The following GALNT13 variants were observed in gnomAD, a reference collection of about 807,000 sequenced individuals.
GALNT13 encodes polypeptide N-acetylgalactosaminyltransferase 13.
A neutral mutation model predicts 64.2 loss-of-function variants in GALNT13; 28 were observed. That is an observed-to-expected ratio of 0.44 (90% CI 0.32 to 0.60). GALNT13 has a LOEUF of 0.60. GALNT13 is among the 20% of genes least tolerant of loss of function. The pLI, the probability that GALNT13 is intolerant of heterozygous loss-of-function variation, is 0.05. For synonymous variants in GALNT13, 214 were observed against 224.6 expected (o/e 0.95, Z 0.42); for missense variants, 577 against 669.8 (o/e 0.86, Z 1.53).
At chr2:153,844,580 G>A in the GALNT13 span, among the ~76,000 whole-genome samples, 4 of 152,192 alleles carry the variant, frequency 2.6e-5, no homozygotes, top group African/African-American at 9.7e-5. Context: ...TGGTTCCTTT[G>A]TAGTTGTACA....
At chr2:153,502,149 T>C in the GALNT13 span, among the ~76,000 whole-genome samples, 6 of 152,176 alleles carry the variant, frequency 3.9e-5, no homozygotes, top group East Asian at 1.2e-3. Context: ...CATGAATAAA[T>C]TCTTTAGTGG....
intron 11 of GALNT13, among the ~76,000 whole-genome samples, chr2:154,417,513 A>ATTTT (rs1387223429): frequency 6.9e-5 from 9 of 130,364 alleles, no homozygotes; most frequent in African/African-American, 1.3e-4. Flanking sequence ...TTATTTATTT[A>ATTTT]TTTATTTATT....
chr2:153,389,993 G>A, the GALNT13 span, among the ~76,000 whole-genome samples: 2 of 152,014 alleles, frequency 1.3e-5, no homozygotes, highest in African/African-American at 2.4e-5. Context: ...ATCATTCTAC[G>A]ATAAAGACAC....
the GALNT13 span, among the ~76,000 whole-genome samples, chr2:153,551,355 G>C: frequency 6.6e-6 from 1 of 152,188 alleles, no homozygotes. Flanking sequence ...GCTGAGGAGT[G>C]ACATGATATG....
intron 11 of GALNT13, among the ~76,000 whole-genome samples, chr2:154,420,007 G>A (rs184859468): frequency 6.6e-6 from 1 of 152,100 alleles, no homozygotes; most frequent in African/African-American, 2.4e-5. Context: ...GTACATAAAT[G>A]TGTATCAGTT....
chr2:154,197,903 A>G (rs936203960), intron 4 of GALNT13, among the ~76,000 whole-genome samples: 10 of 152,150 alleles, frequency 6.6e-5, no homozygotes, highest in Non-Finnish European at 1.5e-4. Context: ...CAACAAATAT[A>G]TGAAAAGAAG....
chr2:154,129,243 T>G (rs2105541464), intron 3 of GALNT13, among the ~76,000 whole-genome samples: 1 of 152,278 alleles, frequency 6.6e-6, no homozygotes, highest in South Asian at 2.1e-4. Flanking sequence ...ATACAGTACC[T>G]TAGCAAACCA....
intron 1 of GALNT13, among the ~76,000 whole-genome samples, chr2:153,886,753 T>C (rs758163599): frequency 1.2e-4 from 18 of 152,070 alleles, no homozygotes; most frequent in Non-Finnish European, 2.2e-4. Flanking sequence ...TTTTGTCCTG[T>C]TATTTTATGT....
intron 3 of GALNT13, among the ~76,000 whole-genome samples, chr2:154,016,549 G>C (rs1010955446): frequency 6.6e-6 from 1 of 151,922 alleles, no homozygotes; most frequent in Non-Finnish European, 1.5e-5. Flanking sequence ...TCCCCAGTAG[G>C]TGGGACTACA....
At chr2:153,217,974 C>A in the GALNT13 span, among the ~76,000 whole-genome samples, 3 of 152,036 alleles carry the variant, frequency 2.0e-5, no homozygotes, top group African/African-American at 7.2e-5. Context: ...TCTGCTAAGT[C>A]TTTAGTGTGG....
intron 2 of GALNT13, among the ~76,000 whole-genome samples, chr2:153,914,885 A>G (rs1374417955): frequency 7.9e-5 from 12 of 152,278 alleles, no homozygotes; most frequent in Admixed American, 4.6e-4. Flanking sequence ...TTGCTGTTGC[A>G]TACTAATATA....
At chr2:153,377,018 T>C in the GALNT13 span, among the ~76,000 whole-genome samples, 1 of 152,104 alleles carries the variant, frequency 6.6e-6, no homozygotes, top group South Asian at 2.1e-4. Context: ...AGTACCTCAG[T>C]GTATTTGGAG....
chr2:153,390,815 G>A, the GALNT13 span, among the ~76,000 whole-genome samples: 2 of 152,058 alleles, frequency 1.3e-5, no homozygotes, highest in Non-Finnish European at 2.9e-5. Flanking sequence ...TGAACAGGCA[G>A]AGATTTCTGC....
the GALNT13 span, among the ~76,000 whole-genome samples, chr2:153,610,128 C>T: frequency 6.6e-6 from 1 of 152,120 alleles, no homozygotes; most frequent in Non-Finnish European, 1.5e-5. Flanking sequence ...GACACATCAA[C>T]AGCCATTACC....
At chr2:153,521,264 G>C in the GALNT13 span, among the ~76,000 whole-genome samples, 1 of 151,888 alleles carries the variant, frequency 6.6e-6, no homozygotes, top group Non-Finnish European at 1.5e-5. Context: ...TATGGTAGTG[G>C]ATGATAAATA....
chr2:154,114,701 G>C (rs183760856), intron 3 of GALNT13, among the ~76,000 whole-genome samples: 29 of 152,238 alleles, frequency 1.9e-4, no homozygotes, highest in African/African-American at 6.5e-4. Flanking sequence ...ATCCAAATTG[G>C]TCTTTTGTCC....
intron 4 of GALNT13, among the ~76,000 whole-genome samples, chr2:154,156,442 A>T (rs1018906105): frequency 2.0e-4 from 31 of 152,266 alleles, no homozygotes; most frequent in African/African-American, 6.7e-4. Context: ...TTAATAAATT[A>T]TGTGATAATA....
the GALNT13 span, among the ~76,000 whole-genome samples, chr2:153,313,674 T>C: frequency 6.6e-6 from 1 of 152,312 alleles, no homozygotes; most frequent in South Asian, 2.1e-4. Context: ...ATAACAAACC[T>C]GCACACGTAC....
intron 9 of GALNT13, among the ~76,000 whole-genome samples, chr2:154,327,525 G>C (rs550054807): frequency 6.6e-6 from 1 of 152,054 alleles, no homozygotes; most frequent in African/African-American, 2.4e-5. Flanking sequence ...GAAACCTCTT[G>C]TTGGTCATCC....
Sources: allele counts gnomAD v4.1 joint callset (sites outside exome capture counted in the v4.1 genomes callset), GRCh38; gene constraint gnomAD v4.1.1; transcripts MANE v1.5; gene names NCBI Gene and HGNC (gene_info 2026-07-23, HGNC 2026-07-21).